Variants in SYT1 observed in about 807,000 individuals in gnomAD.
SYT1 encodes the protein synaptotagmin-1.
A neutral mutation model predicts 44.8 loss-of-function variants in SYT1; 8 were observed. The ratio of observed to expected loss-of-function variants is 0.18; its 90% confidence interval spans 0.10 to 0.32. The LOEUF (loss-of-function observed/expected upper bound fraction) is 0.32. Ranked by LOEUF, SYT1 falls within the 10% of genes least tolerant of loss-of-function variation. The pLI, the probability that SYT1 is intolerant of heterozygous loss-of-function variation, is 1.00. For missense variants in SYT1, 286 were observed against 509.3 expected (o/e 0.56, Z 4.22); for synonymous variants, 154 against 188.8 (o/e 0.82, Z 1.51).
intron 1 of SYT1, among the ~76,000 whole-genome samples, chr12:78,945,214 A>G (rs747971449): frequency 6.6e-6 from 1 of 152,118 alleles, no homozygotes; most frequent in Non-Finnish European, 1.5e-5. Flanking sequence ...TAATTATTTC[A>G]TTTTTACAAA....
intron 3 of SYT1, among the ~76,000 whole-genome samples, chr12:79,211,967 T>C (rs1164275580): frequency 6.6e-6 from 1 of 152,222 alleles, no homozygotes; most frequent in Non-Finnish European, 1.5e-5. Flanking sequence ...CCCACTGTTA[T>C]TTTAATTTGC....
intron 9 of SYT1, among the ~76,000 whole-genome samples, chr12:79,363,572 TA>T (rs113675330): frequency 3.5e-3 from 487 of 139,374 alleles, no homozygotes; most frequent in East Asian, 0.011. Flanking sequence ...CAAAAAAAAT[TA>T]AAAAAAAAAA....
Position 79,447,413 on chromosome 12 carries a change from T to A in SYT1, c.1063-1505T>A, listed in dbSNP as rs1278282243. Among the ~76,000 whole-genome samples, 3 of 152,304 alleles carry A rather than the reference T, an allele frequency of 2.0e-5. No individual in the cohort carries two copies. In the East Asian group the frequency reaches 5.8e-4, roughly 29 times the overall value. On this transcript the variant is annotated intron_variant, in intron 10 of 10. Coordinates refer to ENST00000261205, the MANE Select transcript of SYT1 (RefSeq NM_005639.3). ...GAAGCAAAATATGCTAATTTCCAAATGCATGTGAGAATGTAAGCCCTTCTC... is the reference window on the plus strand; with the variant it reads ...GAAGCAAAATATGCTAATTTCCAAAAGCATGTGAGAATGTAAGCCCTTCTC...
chr12:79,070,742 G>A (rs1876213395), intron 3 of SYT1, among the ~76,000 whole-genome samples: 1 of 152,058 alleles, frequency 6.6e-6, no homozygotes. Flanking sequence ...CAGCGACAGG[G>A]GCAAGGCTGA....
chr12:79,336,786 T>C (rs79786675), intron 8 of SYT1, among the ~76,000 whole-genome samples: 1 of 152,138 alleles, frequency 6.6e-6, no homozygotes, highest in Admixed American at 6.6e-5. Context: ...CACACCACCA[T>C]GCTGGGCCAA....
intron 9 of SYT1, among the ~76,000 whole-genome samples, chr12:79,423,213 C>T (rs1169948095): frequency 1.3e-5 from 2 of 152,122 alleles, no homozygotes; most frequent in African/African-American, 2.4e-5. Flanking sequence ...CACGTGCATG[C>T]ATGCTTTGTT....
intron 4 of SYT1, among the ~76,000 whole-genome samples, chr12:79,244,714 GAAA>G (rs201236952): frequency 4.5e-5 from 4 of 88,546 alleles, no homozygotes; most frequent in African/African-American, 1.5e-4. Flanking sequence ...AAAAAAAGAA[GAAA>G]AAAAAAAAAA....
chr12:79,421,362 T>A (rs1343223982), intron 9 of SYT1, among the ~76,000 whole-genome samples: 1 of 152,170 alleles, frequency 6.6e-6, no homozygotes, highest in Non-Finnish European at 1.5e-5. Context: ...GTGTGTTTTA[T>A]AAATTTCTAA....
At chr12:79,149,464 G>T (rs962626100) in intron 3 of SYT1, among the ~76,000 whole-genome samples, 2 of 152,060 alleles carry the variant, frequency 1.3e-5, no homozygotes, top group African/African-American at 4.8e-5. Context: ...CACTTTTAAG[G>T]TTGTAATGGT....
At chr12:79,370,214 C>T (rs1311275884) in intron 9 of SYT1, among the ~76,000 whole-genome samples, 1 of 152,096 alleles carries the variant, frequency 6.6e-6, no homozygotes, top group Non-Finnish European at 1.5e-5. Context: ...GCAAATTCAG[C>T]AGGAAATCAG....
At chr12:79,066,421 C>G (rs1875856874) in intron 3 of SYT1, among the ~76,000 whole-genome samples, 1 of 150,594 alleles carries the variant, frequency 6.6e-6, no homozygotes, top group African/African-American at 2.4e-5. Context: ...TTCAGAAAAT[C>G]TTAAACTTAC....
chr12:79,055,315 A>C (rs1002659131), intron 3 of SYT1, among the ~76,000 whole-genome samples: 22 of 151,994 alleles, frequency 1.4e-4, no homozygotes, highest in African/African-American at 5.1e-4. Context: ...TTTTATTCTG[A>C]AAAACATTAT....
At chr12:79,285,688 A>G (rs1879273918) in intron 4 of SYT1, 99 bp from the exon 5 acceptor site, 3 of 902,934 alleles carry the variant, frequency 3.3e-6, no homozygotes, top group Non-Finnish European at 5.1e-6. Flanking sequence ...GTGCTCAAAA[A>G]TGCAAATGAA....
At chr12:79,301,964 C>T (rs1213286309) in intron 8 of SYT1, among the ~76,000 whole-genome samples, 1 of 152,068 alleles carries the variant, frequency 6.6e-6, no homozygotes, top group Non-Finnish European at 1.5e-5. Context: ...GAAACTTTTT[C>T]ATTATAAAGG....
chr12:79,040,127 G>A (rs1327184192), intron 2 of SYT1, among the ~76,000 whole-genome samples: 3 of 151,922 alleles, frequency 2.0e-5, no homozygotes, highest in Non-Finnish European at 1.5e-5. Flanking sequence ...TAGTCCTTTG[G>A]GTATATACCC....
chr12:79,419,193 C>T, intron 9 of SYT1: 1 of 474,492 alleles, frequency 2.1e-6, no homozygotes, highest in Non-Finnish European at 4.3e-6. Context: ...TTTTAAATTT[C>T]TACTCACATT....
intron 3 of SYT1, among the ~76,000 whole-genome samples, chr12:79,087,017 C>T (rs945239247): frequency 3.3e-5 from 5 of 152,114 alleles, no homozygotes; most frequent in Non-Finnish European, 7.3e-5. Flanking sequence ...GTATAAAAAA[C>T]CAGAGTTACA....
intron 3 of SYT1, among the ~76,000 whole-genome samples, chr12:79,117,729 G>T (rs1879381979): frequency 8.9e-6 from 1 of 112,484 alleles, no homozygotes; most frequent in Non-Finnish European, 1.8e-5. Flanking sequence ...TAAATAGGTT[G>T]CATACAGAAG....
intron 9 of SYT1, among the ~76,000 whole-genome samples, chr12:79,375,830 CAA>C (rs1883972867): frequency 6.6e-6 from 1 of 152,080 alleles, no homozygotes; most frequent in Admixed American, 6.5e-5. Context: ...GCGCCTGACT[CAA>C]AAGTACCTGA....
Sources: allele counts gnomAD v4.1 joint callset (sites outside exome capture counted in the v4.1 genomes callset), GRCh38; gene constraint gnomAD v4.1.1; transcripts MANE v1.5; gene names NCBI Gene and HGNC (gene_info 2026-07-23, HGNC 2026-07-21).